FARP2: variants seen among roughly 807,000 people sequenced by gnomAD.
FARP2 encodes the protein FERM, ARHGEF and pleckstrin domain-containing protein 2.
In FARP2, 111 loss-of-function variants were observed where a neutral mutation model predicts 130.5. That is an observed-to-expected ratio of 0.85 (90% CI 0.73 to 1.00). The LOEUF is 1.00. Among genes scored for constraint, FARP2 ranks in the 50% least tolerant of loss-of-function variants. The pLI, the probability that FARP2 is intolerant of heterozygous loss-of-function variation, is 0.00. For missense variants in FARP2, 1,385 were observed against 1,346.3 expected, an observed-to-expected ratio of 1.03 and a Z score of -0.45; for synonymous variants, 504 against 516.9, an observed-to-expected ratio of 0.98 and a Z score of 0.34.
intron 2 of FARP2, among the ~76,000 whole-genome samples, chr2:241,392,130 C>T (rs1480616654): frequency 1.3e-5 from 2 of 152,214 alleles, no homozygotes; most frequent in East Asian, 1.9e-4. Flanking sequence ...CCATAGGAAC[C>T]GGCTGGCAGG....
intron 2 of FARP2, among the ~76,000 whole-genome samples, chr2:241,399,192 CTT>C (rs1269433257): frequency 6.6e-6 from 1 of 152,188 alleles, no homozygotes. Flanking sequence ...TGAATATCCT[CTT>C]TTGTGAAGTG....
intron 18 of FARP2, among the ~76,000 whole-genome samples, chr2:241,474,513 G>T (rs1207312425): frequency 6.6e-6 from 1 of 151,458 alleles, no homozygotes; most frequent in African/African-American, 2.4e-5. Context: ...GAAGGTGGCC[G>T]GGCATGGTGG....
chr2:241,410,233 C>A (rs4675961), intron 5 of FARP2, among the ~76,000 whole-genome samples: 3,977 of 152,292 alleles, frequency 0.026, 403 homozygotes, highest in Admixed American at 0.18. Context: ...CAGATATTAT[C>A]AATCCGTTAA....
At position 241,456,868 on chromosome 2, in the gene FARP2, T is replaced by G; in HGVS notation, c.1533T>G (p.Pro511=). 6.2e-7 allele frequency: 1 copy of G among 1,612,632 alleles called. No homozygotes were observed. ...AEQGSSPLLS[P]VLSDAGGAGM... is the part of the protein sequence containing the mutation. The stretch of plus-strand genomic sequence containing the variant: ...AGGGCTCATCCCCACTCCTGAGCCC[T>G]GTCCTCAGTGATGCTGGCGGAGCCG... The change falls in exon 14 of 27, where the codon CCT becomes CCG. Residue 511 remains proline, a synonymous_variant. Coordinates refer to ENST00000264042, the MANE Select transcript of FARP2 (RefSeq NM_014808.4).
intron 22 of FARP2, 124 bp downstream of exon 22, chr2:241,490,168 T>C: frequency 1.4e-6 from 1 of 693,838 alleles, no homozygotes; most frequent in Non-Finnish European, 2.6e-6. Context: ...TTGTGCCCCC[T>C]TTGACTCTGA....
chr2:241,465,128 T>G (rs892972538), intron 17 of FARP2, among the ~76,000 whole-genome samples: 1 of 152,118 alleles, frequency 6.6e-6, no homozygotes, highest in Non-Finnish European at 1.5e-5. Context: ...TTTTCTCCAC[T>G]GATAATAGCA....
At chr2:241,429,608 T>G (rs1257289974) in intron 8 of FARP2, among the ~76,000 whole-genome samples, 1 of 152,060 alleles carries the variant, frequency 6.6e-6, no homozygotes, top group Non-Finnish European at 1.5e-5. Context: ...AAAGTTGTTT[T>G]TGACTAGGTA....
intron 13 of FARP2, among the ~76,000 whole-genome samples, chr2:241,452,922 C>T (rs911622005): frequency 6.7e-6 from 1 of 149,954 alleles, no homozygotes; most frequent in Non-Finnish European, 1.5e-5. Context: ...GCCTGGGCGA[C>T]AGAGTGAGAG....
intron 1 of FARP2, among the ~76,000 whole-genome samples, chr2:241,359,434 A>G (rs1357334734): frequency 3.3e-5 from 5 of 152,176 alleles, no homozygotes; most frequent in African/African-American, 4.8e-5. Context: ...GATTCCAACC[A>G]GTTGGCCCAC....
At position 241,459,054 on chromosome 2, in the gene FARP2, T is replaced by C. The variant is rs2063943459; in HGVS notation, c.1587+2132T>C. ...TGTTGCCTCTCCTCAACACCTGGGC[T>C]CTGGAGGGAGGGCTCTGGGCTCTGC... On this transcript the variant is annotated intron_variant, in intron 14 of 26. Transcript: ENST00000264042. The surrounding 1 kb of genome is among the most constrained non-coding windows in gnomAD (Gnocchi z 5.3). Among the ~76,000 whole-genome samples, 1 of 152,216 alleles carries C rather than the reference T, an allele frequency of 6.6e-6. No homozygotes were observed. The highest frequency in any genetic ancestry group is 2.1e-4 in the South Asian group (1 of 4,830).
At chr2:241,384,764 T>G (rs140911117) in intron 2 of FARP2, among the ~76,000 whole-genome samples, 1 of 152,340 alleles carries the variant, frequency 6.6e-6, no homozygotes, top group African/African-American at 2.4e-5. Flanking sequence ...AATTTTCAAT[T>G]AAGACAACTC....
At chr2:241,409,018 GAGATAGATAGATAGATAGATGAT>G (rs2062440906) in intron 5 of FARP2, among the ~76,000 whole-genome samples, 1 of 141,480 alleles carries the variant, frequency 7.1e-6, no homozygotes, top group Non-Finnish European at 1.5e-5. Flanking sequence ...CTTTTAAATA[GAGATAGATAGATAGATAGATGAT>G]AGATAGATAG....
intron 2 of FARP2, among the ~76,000 whole-genome samples, chr2:241,391,949 A>G (rs2061916160): frequency 6.6e-6 from 1 of 152,260 alleles, no homozygotes; most frequent in African/African-American, 2.4e-5. Context: ...ATTAACTACT[A>G]AGACGGGAGG....
chr2:241,373,437 T>A, intron 2 of FARP2, 147 bp downstream of exon 2: 1 of 463,126 alleles, frequency 2.2e-6, no homozygotes, highest in Non-Finnish European at 3.7e-6. Flanking sequence ...TTAGAAACAG[T>A]AAATCTGAAT....
At chr2:241,385,988 C>T (rs2061774664) in intron 2 of FARP2, among the ~76,000 whole-genome samples, 1 of 152,190 alleles carries the variant, frequency 6.6e-6, no homozygotes, top group South Asian at 2.1e-4. Context: ...AATGTCAACA[C>T]TATGGTTATT....
At chr2:241,400,910 G>A (rs1017837912) in intron 2 of FARP2, among the ~76,000 whole-genome samples, 2 of 152,132 alleles carry the variant, frequency 1.3e-5, no homozygotes, top group African/African-American at 4.8e-5. Flanking sequence ...AGAAACCCTG[G>A]TCTGGCTGCA....
Position 241,494,107 on chromosome 2 carries a change from CA to C in FARP2, c.3148del (p.Arg1050GlyfsTer55), listed in dbSNP as rs767147986. 3.0e-5 allele frequency: 45 copies of C among 1,477,056 alleles called. No individual in the cohort carries two copies. Among genetic ancestry groups the C allele is most frequent in the Non-Finnish European group, 3.7e-5 (41 of 1,122,454 alleles). The allele number at this position is 1,477,056 out of a possible 1,614,324, so 91.5% of individuals were successfully genotyped here. A position where few individuals can be genotyped will look rare whatever the true frequency, so the allele number is the denominator to read the frequency against. Reference protein sequence around the residue: ...QPSSGLEGMVRGKEE With the variant: ...QPSSGLEGMVXGKEE ...CCTCCTCAGGGCTGGAGGGGATGGT[CA>C]GGGGGAAGGAGGAATGACGCTCAAC... On this transcript the variant is annotated frameshift_variant, in exon 27 of 27. Coordinates refer to ENST00000264042, the MANE Select transcript of FARP2 (RefSeq NM_014808.4). LOFTEE classifies it high-confidence loss of function. This position sits in a 1 kb window ranked among gnomAD's most constrained non-coding sequence, Gnocchi z 4.9.
chr2:241,428,124 G>T (rs1351221274), intron 8 of FARP2, among the ~76,000 whole-genome samples: 1 of 151,988 alleles, frequency 6.6e-6, no homozygotes, highest in East Asian at 1.9e-4. Flanking sequence ...TAGAACTGGG[G>T]CTATGGGGAT....
intron 8 of FARP2, 59 bp downstream of exon 8, chr2:241,418,168 G>A (rs1018953715): frequency 1.3e-6 from 2 of 1,584,988 alleles, no homozygotes; most frequent in East Asian, 2.2e-5. Flanking sequence ...CTGCAACCTG[G>A]TGGGGTTTGT....
Sources: gnomAD v4.1 joint callset for allele counts (sites outside exome capture counted in the v4.1 genomes callset) on GRCh38, gnomAD v4.1.1 for gene constraint, Gnocchi (gnomAD v3.1) non-coding constraint, MANE v1.5 for transcripts, NCBI Gene and HGNC (gene_info 2026-07-23, HGNC 2026-07-21) for gene names.